TEC: variants seen among roughly 807,000 people sequenced by gnomAD.
TEC encodes tyrosine-protein kinase Tec.
In TEC, 72 loss-of-function variants were observed where a neutral mutation model predicts 93.0. That is an observed-to-expected ratio of 0.77 (90% confidence interval 0.64 to 0.94). The LOEUF (loss-of-function observed/expected upper bound fraction) is 0.94. TEC is among the 40% of genes least tolerant of loss of function. The probability of loss-of-function intolerance (pLI) is 0.00; values close to 1 mark genes in which losing one functional copy is unlikely to be tolerated. For synonymous variants in TEC, 249 were observed against 247.7 expected (o/e 1.01, Z -0.05); for missense variants, 630 against 757.9 (o/e 0.83, Z 1.98).
chr4:48,137,586 T>A, intron 17 of TEC, 87 bp from the exon 18 acceptor site: 1 of 1,087,792 alleles, frequency 9.2e-7, no homozygotes, highest in Non-Finnish European at 1.4e-6. Flanking sequence ...ACACAGCATA[T>A]TACAGAGAGA....
At chr4:48,267,264 A>G (rs1222747243) in intron 1 of TEC, among the ~76,000 whole-genome samples, 1 of 152,244 alleles carries the variant, frequency 6.6e-6, no homozygotes, top group Non-Finnish European at 1.5e-5. Context: ...ACAAAAGAGT[A>G]TGTAATTCTC....
At chr4:48,267,637 C>T (rs1724675516) in intron 1 of TEC, among the ~76,000 whole-genome samples, 1 of 152,178 alleles carries the variant, frequency 6.6e-6, no homozygotes, top group South Asian at 2.1e-4. Flanking sequence ...CTGGGTTTGA[C>T]TTCAGTAACT....
At chr4:48,263,207 G>A (rs1222199450) in intron 1 of TEC, among the ~76,000 whole-genome samples, 3 of 152,204 alleles carry the variant, frequency 2.0e-5, no homozygotes, top group Non-Finnish European at 4.4e-5. Flanking sequence ...GGAAGTAAGG[G>A]TGCTGCTGCT....
At position 48,157,963 on chromosome 4, in the gene TEC, A is replaced by G. The variant is rs756604206; in HGVS notation, c.738-1229T>C. Among the ~76,000 whole-genome samples, 13 of 152,218 alleles carry G rather than the reference A, an allele frequency of 8.5e-5. No individual in the cohort carries two copies. The South Asian group carries it at 2.1e-3, about 24-fold the overall frequency. On this transcript the variant is annotated intron_variant, in intron 8 of 17. Transcript: ENST00000381501. ...GCAAATAGGCTATAAGAACATAGAC[A>G]ATTTTCTTCGGTCTTTGGTTTTAAA...
intron 2 of TEC, among the ~76,000 whole-genome samples, chr4:48,202,226 G>A (rs562045175): frequency 6.6e-6 from 1 of 152,262 alleles, no homozygotes; most frequent in East Asian, 1.9e-4. Flanking sequence ...ATGGGGTAGA[G>A]AGTAAGAAAT....
At chr4:48,147,983 G>A (rs993533468) in intron 11 of TEC, among the ~76,000 whole-genome samples, 5 of 152,170 alleles carry the variant, frequency 3.3e-5, no homozygotes, top group South Asian at 2.1e-4. Flanking sequence ...GCTTAGTCAC[G>A]GAAGACCACA....
chr4:48,256,670 T>C (rs1194857018), intron 1 of TEC, among the ~76,000 whole-genome samples: 6 of 152,006 alleles, frequency 3.9e-5, no homozygotes, highest in Admixed American at 1.3e-4. Flanking sequence ...AAACTTTACT[T>C]CTATCTTCCT....
At chr4:48,180,527 G>A (rs550546089) in intron 2 of TEC, among the ~76,000 whole-genome samples, 12 of 152,186 alleles carry the variant, frequency 7.9e-5, no homozygotes, top group Non-Finnish European at 1.2e-4. Flanking sequence ...ACAAGAAGAT[G>A]GGGAAGATTC....
chr4:48,223,474 T>C (rs1052033196), intron 2 of TEC, among the ~76,000 whole-genome samples: 35 of 152,216 alleles, frequency 2.3e-4, no homozygotes, highest in African/African-American at 7.5e-4. Flanking sequence ...AGCTGTATGT[T>C]GTGCAGGTTT....
At chr4:48,248,356 G>A (rs1475806461) in intron 1 of TEC, among the ~76,000 whole-genome samples, 1 of 152,192 alleles carries the variant, frequency 6.6e-6, no homozygotes, top group East Asian at 1.9e-4. Flanking sequence ...TCTTGAACAG[G>A]ACAACTTGGG....
At chr4:48,147,260 A>G (rs759184465) in intron 11 of TEC, among the ~76,000 whole-genome samples, 5 of 152,236 alleles carry the variant, frequency 3.3e-5, no homozygotes, top group Non-Finnish European at 5.9e-5. Context: ...CAGCATACCC[A>G]TAACTAGGTA....
intron 2 of TEC, among the ~76,000 whole-genome samples, chr4:48,210,926 C>T (rs1364283124): frequency 5.3e-5 from 8 of 152,144 alleles, no homozygotes; most frequent in Admixed American, 5.2e-4. Context: ...ATGCAACCTA[C>T]CTTATGTATA....
Position 48,145,074 on chromosome 4 carries a change from G to A in TEC, c.1470+5C>T, listed in dbSNP as rs182241990. The A allele has an allele frequency of 1.9e-6, 3 of 1,613,688 alleles. No homozygotes were observed. The highest frequency in any genetic ancestry group is 2.7e-5 in the African/African-American group (2 of 75,038). ...ATGAGTGGGAATATGGGTGGCTAGG[G>A]TTACCAGATCTCTGTGGATGAAGCT... is the stretch of plus-strand genomic sequence containing the variant. On this transcript the variant is annotated splice_donor_5th_base_variant and intron_variant, in intron 14 of 17. Transcript: ENST00000381501.
At chr4:48,232,496 C>T (rs1215403919) in intron 1 of TEC, among the ~76,000 whole-genome samples, 1 of 152,208 alleles carries the variant, frequency 6.6e-6, no homozygotes, top group East Asian at 1.9e-4. Context: ...TTCCTACTTA[C>T]GGGCTTTCCC....
chr4:48,253,375 G>A lies in TEC; in HGVS notation c.-46+16377C>T, dbSNP rs1197800805. Among the ~76,000 whole-genome samples, 9 of 151,878 alleles carry A rather than the reference G, an allele frequency of 5.9e-5. No individual in the cohort carries two copies. In the East Asian group the frequency reaches 9.7e-4, roughly 16 times the overall value. On this transcript the variant is annotated intron_variant, in intron 1 of 17. Coordinates refer to ENST00000381501, the MANE Select transcript of TEC (RefSeq NM_003215.3). ...CTATTATCTCTTCTCTCTAAAGCCC[G>A]TAGTCTTATTATGAGCTTTCTTTAA... is the stretch of plus-strand genomic sequence containing the variant.
chr4:48,209,772 A>C (rs1351367949), intron 2 of TEC, among the ~76,000 whole-genome samples: 2 of 152,240 alleles, frequency 1.3e-5, no homozygotes, highest in Non-Finnish European at 2.9e-5. Flanking sequence ...CAACTGTTTA[A>C]CTCTATTCAG....
In TEC at chr4:48,168,933, T is replaced by C. The variant is rs556077665; in HGVS notation, c.455-307A>G. 5.3e-5 allele frequency among the ~76,000 whole-genome samples: 8 copies of C among 152,310 alleles called. No individual in the cohort carries two copies. In the South Asian group the frequency reaches 1.7e-3, roughly 32 times the overall value. ...TCAATAATGCTCATGGAATCAAACA[T>C]TGAAATCATGACAACACTGAGAAAT... On this transcript the variant is annotated intron_variant, in intron 5 of 17. Transcript: ENST00000381501.
chr4:48,172,212 G>A (rs1008169948), intron 3 of TEC, among the ~76,000 whole-genome samples: 1 of 152,030 alleles, frequency 6.6e-6, no homozygotes, highest in Non-Finnish European at 1.5e-5. Flanking sequence ...AGATAACCCT[G>A]GGAAACTAAG....
intron 1 of TEC, among the ~76,000 whole-genome samples, chr4:48,245,449 A>G (rs1724029602): frequency 6.6e-6 from 1 of 152,202 alleles, no homozygotes; most frequent in Non-Finnish European, 1.5e-5. Flanking sequence ...CAAAAAAATC[A>G]CACAGTCCTT....
Sources: allele counts gnomAD v4.1 joint callset (sites outside exome capture counted in the v4.1 genomes callset), GRCh38; gene constraint gnomAD v4.1.1; transcripts MANE v1.5; gene names NCBI Gene and HGNC (gene_info 2026-07-23, HGNC 2026-07-21).